Variants in LHX8 observed in about 807,000 individuals in gnomAD.
LHX8 encodes LIM homeobox 8, also known as LIM/homeobox protein Lhx8.
LHX8 carries 12 observed loss-of-function variants against 40.3 expected under a neutral mutation model. That is an observed-to-expected ratio of 0.30 (90% CI 0.19 to 0.48). LHX8 has a LOEUF of 0.48. Ranked by LOEUF, LHX8 falls within the 20% of genes least tolerant of loss-of-function variation. LHX8 has a pLI of 0.99. For missense variants in LHX8, 344 were observed against 433.7 expected (o/e 0.79, Z 1.84); for synonymous variants, 179 against 162.0 (o/e 1.10, Z -0.80).
At chr1:75,164,690 A>T (rs1378445107), downstream of LHX8, among the ~76,000 whole-genome samples, 2 of 151,442 alleles carry the variant, frequency 1.3e-5, no homozygotes, top group African/African-American at 4.9e-5. Context: ...ATTACTTGAT[A>T]TAAAATTGTA....
At chr1:75,152,470 A>G (rs565746880) in intron 7 of LHX8, among the ~76,000 whole-genome samples, 43 of 152,310 alleles carry the variant, frequency 2.8e-4, no homozygotes, top group African/African-American at 8.7e-4. Context: ...ATTTCTTCCA[A>G]TCAGTGTACT....
chr1:75,158,401 T>G (rs1478509246), intron 8 of LHX8, among the ~76,000 whole-genome samples: 1 of 152,232 alleles, frequency 6.6e-6, no homozygotes, highest in Admixed American at 6.5e-5. Flanking sequence ...TAATGTAGTT[T>G]ATTTCATCAT....
At chr1:75,136,264 T>C (rs1570283596) in intron 1 of LHX8, among the ~76,000 whole-genome samples, 1 of 151,700 alleles carries the variant, frequency 6.6e-6, no homozygotes, top group Middle Eastern at 3.4e-3. Flanking sequence ...GATTGACGTC[T>C]GGAAAGAAAG....
At chr1:75,128,764 T>C (rs1252189897) in intron 1 of LHX8, among the ~76,000 whole-genome samples, 2 of 152,222 alleles carry the variant, frequency 1.3e-5, no homozygotes, top group African/African-American at 4.8e-5. Flanking sequence ...CATTTTTAAA[T>C]GTTATAGATT....
At chr1:75,152,649 G>A (rs1346484064) in intron 7 of LHX8, among the ~76,000 whole-genome samples, 1 of 152,172 alleles carries the variant, frequency 6.6e-6, no homozygotes, top group Non-Finnish European at 1.5e-5. Context: ...TTCTGGAAGG[G>A]AGATTGTTGA....
the LHX8 span, among the ~76,000 whole-genome samples, chr1:75,168,350 G>A: frequency 6.6e-6 from 1 of 152,074 alleles, no homozygotes; most frequent in Non-Finnish European, 1.5e-5. Context: ...AGCCTCCCAA[G>A]TAGCTGGAAT....
chr1:75,195,439 G>A, the LHX8 span, among the ~76,000 whole-genome samples: 1 of 152,064 alleles, frequency 6.6e-6, no homozygotes, highest in African/African-American at 2.4e-5. Context: ...GAATGGATGA[G>A]GATATCTTTA....
the LHX8 span, among the ~76,000 whole-genome samples, chr1:75,185,557 C>T: frequency 1.1e-4 from 16 of 151,880 alleles, no homozygotes; most frequent in South Asian, 2.5e-3. Flanking sequence ...AAATAATAAG[C>T]GCCATCTATG....
intron 6 of LHX8, among the ~76,000 whole-genome samples, chr1:75,147,791 T>C (rs1232857547): frequency 3.3e-5 from 5 of 152,204 alleles, no homozygotes; most frequent in Non-Finnish European, 7.4e-5. Context: ...CTGAAAGAAT[T>C]CAAAGTTTTT....
At chr1:75,160,128 C>T (rs902308574) in intron 8 of LHX8, 2 of 151,980 alleles carry the variant, frequency 1.3e-5, no homozygotes, top group African/African-American at 2.4e-5. Context: ...GGAAAAGCAT[C>T]CTCATTTTCT....
chr1:75,182,111 C>A, the LHX8 span, among the ~76,000 whole-genome samples: 1 of 152,004 alleles, frequency 6.6e-6, no homozygotes, highest in Non-Finnish European at 1.5e-5. Flanking sequence ...ATGTTATCTT[C>A]TTGAATTTTT....
upstream of LHX8, chr1:75,130,973 A>G (rs1647945286): frequency 1.7e-6 from 1 of 593,384 alleles, no homozygotes; most frequent in Admixed American, 2.4e-5. Context: ...AAGTCTCCCC[A>G]TCCTCCACCG....
chr1:75,154,322 C>G (rs573518025), intron 7 of LHX8, among the ~76,000 whole-genome samples: 21 of 151,940 alleles, frequency 1.4e-4, no homozygotes, highest in African/African-American at 5.1e-4. Context: ...TTCCAAGAAG[C>G]TGCTTAACAA....
At chr1:75,175,110 G>A in the LHX8 span, among the ~76,000 whole-genome samples, 1 of 152,204 alleles carries the variant, frequency 6.6e-6, no homozygotes, top group Non-Finnish European at 1.5e-5. Flanking sequence ...TGGTCTCCAA[G>A]TCCATCCAGG....
At chr1:75,131,051 C>A, upstream of LHX8, 1 of 441,782 alleles carries the variant, frequency 2.3e-6, no homozygotes, top group Non-Finnish European at 4.2e-6. Context: ...GTGAGGGCCG[C>A]GGGCCAGGGA....
rs779434974 is a variant in LHX8 at position 75,160,947 on chromosome 1, T to C, written c.*52T>C. Reference sequence around the variant, plus strand: ...AAGGATATAAATTTGTCATTTATTATGTATAAAATACCATTGAAAAGATAT... The same window carrying C: ...AAGGATATAAATTTGTCATTTATTACGTATAAAATACCATTGAAAAGATAT... On this transcript the variant is annotated 3_prime_UTR_variant, in exon 9 of 9. Coordinates refer to ENST00000356261, the MANE Select transcript of LHX8 (RefSeq NM_001256114.2). 7.9e-7 allele frequency: 1 copy of C among 1,270,288 alleles called. No homozygotes were observed. Among genetic ancestry groups the C allele is most frequent in the Admixed American group, 1.7e-5 (1 of 59,380 alleles). The allele number at this position is 1,270,288 out of a possible 1,614,324, so 78.7% of individuals were successfully genotyped here. A position where few individuals can be genotyped will look rare whatever the true frequency, so the allele number is the denominator to read the frequency against.
At chr1:75,164,852 A>G (rs1452247360), downstream of LHX8, among the ~76,000 whole-genome samples, 1 of 151,498 alleles carries the variant, frequency 6.6e-6, no homozygotes, top group African/African-American at 2.4e-5. Flanking sequence ...TTTTTTGTAG[A>G]GACTAGGTCT....
intron 6 of LHX8, among the ~76,000 whole-genome samples, chr1:75,144,293 T>C (rs2100342342): frequency 6.6e-6 from 1 of 152,260 alleles, no homozygotes; most frequent in Middle Eastern, 3.4e-3. Context: ...GAAGACAAAA[T>C]ATTTTGAGAC....
At chr1:75,154,401 TTCAA>T (rs1648699183) in intron 7 of LHX8, among the ~76,000 whole-genome samples, 1 of 152,012 alleles carries the variant, frequency 6.6e-6, no homozygotes, top group South Asian at 2.1e-4. Flanking sequence ...GTTTTTTTTT[TTCAA>T]TCAAAAGATG....
Sources: allele counts gnomAD v4.1 joint callset (sites outside exome capture counted in the v4.1 genomes callset), GRCh38; gene constraint gnomAD v4.1.1; transcripts MANE v1.5; gene names NCBI Gene and HGNC (gene_info 2026-07-23, HGNC 2026-07-21).